The following PRSS12 variants were observed in gnomAD, a reference collection of about 807,000 sequenced individuals.
PRSS12 encodes serine protease 12, also known as neurotrypsin.
A neutral mutation model predicts 104.4 loss-of-function variants in PRSS12; 85 were observed. That is an observed-to-expected ratio of 0.81 (90% confidence interval 0.68 to 0.98). PRSS12 has a LOEUF of 0.98. Among genes scored for constraint, PRSS12 ranks in the 50% least tolerant of loss-of-function variants. The pLI is 0.00. For synonymous variants in PRSS12, 454 were observed against 425.2 expected (o/e 1.07, Z -0.83); for missense variants, 1,141 against 1,139.2 (o/e 1.00, Z -0.02).
At chr4:118,336,883 C>A (rs953275817) in intron 2 of PRSS12, among the ~76,000 whole-genome samples, 2 of 152,158 alleles carry the variant, frequency 1.3e-5, no homozygotes, top group Non-Finnish European at 2.9e-5. Flanking sequence ...TTGTGACCTG[C>A]CCACTTGCCA....
intron 2 of PRSS12, 37 bp from the exon 3 acceptor site, chr4:118,335,688 G>C: frequency 6.3e-7 from 1 of 1,591,332 alleles, no homozygotes; most frequent in East Asian, 2.2e-5. Context: ...TTTATCAAAT[G>C]TAGGCAAAAC....
In PRSS12 at chr4:118,331,653, C is replaced by T. The variant is rs577854860; in HGVS notation, c.971+63G>A. On this transcript the variant is annotated intron_variant, in intron 4 of 12. Transcript: ENST00000296498. ...GTGCAATTTAAACAAACAGCACCTG[C>T]CTTTGGGTATGGAAATAATAAGATT... 219 of 1,603,564 alleles carry T rather than the reference C, an allele frequency of 1.4e-4. No individual in the cohort carries two copies. In the East Asian group the frequency reaches 4.7e-3, roughly 34 times the overall value.
At chr4:118,336,927 A>G (rs1206421217) in intron 2 of PRSS12, among the ~76,000 whole-genome samples, 1 of 152,220 alleles carries the variant, frequency 6.6e-6, no homozygotes, top group Admixed American at 6.5e-5. Flanking sequence ...ATTCATGATA[A>G]AATCAGTAAT....
In PRSS12 at chr4:118,335,462, C is replaced by CT. The variant is rs3215324; in HGVS notation, c.820+10dup. 240,678 of 1,611,396 alleles carry CT rather than the reference C, an allele frequency of 0.15. 19,092 individuals carry two copies. The highest frequency in any genetic ancestry group is 0.2 in the South Asian group (18,198 of 90,816). On this transcript the variant is annotated intron_variant, in intron 3 of 12. Transcript: ENST00000296498. The stretch of plus-strand genomic sequence containing the variant: ...GAAAGTAAAACAACAGAACTTTTTT[C>CT]TTTTTTTTACCATGGGAAAAGCTAC...
intron 1 of PRSS12, among the ~76,000 whole-genome samples, chr4:118,342,041 C>T (rs1724226021): frequency 6.6e-6 from 1 of 152,144 alleles, no homozygotes; most frequent in South Asian, 2.1e-4. Flanking sequence ...AGAGAAGTGG[C>T]TTTCTGGTGC....
At chr4:118,340,492 G>A (rs1269535967) in intron 1 of PRSS12, among the ~76,000 whole-genome samples, 2 of 152,084 alleles carry the variant, frequency 1.3e-5, no homozygotes. Flanking sequence ...TGTCTATTCG[G>A]AGGAAACCAT....
chr4:118,315,701 G>C (rs1281506133), intron 6 of PRSS12, among the ~76,000 whole-genome samples: 1 of 152,138 alleles, frequency 6.6e-6, no homozygotes, highest in East Asian at 1.9e-4. Flanking sequence ...GAGGTCAAAA[G>C]CAAGTTCTAA....
At chr4:118,318,604 T>G (rs560182942) in intron 4 of PRSS12, 48 bp from the exon 5 acceptor site, 1 of 1,573,160 alleles carries the variant, frequency 6.4e-7, no homozygotes, top group East Asian at 2.3e-5. Flanking sequence ...TACCAAAGAT[T>G]GGTCTTTTAT....
chr4:118,352,298 G>C lies in PRSS12; in HGVS notation c.423C>G (p.Pro141=), dbSNP rs1312754638. The C allele has an allele frequency of 1.2e-6, 2 of 1,603,280 alleles. No homozygotes were observed. The highest frequency in any genetic ancestry group is 1.7e-6 in the Non-Finnish European group (2 of 1,176,952). The change falls in exon 1 of 13, where the codon CCC becomes CCG. Residue 141 remains proline, a synonymous_variant. Coordinates refer to ENST00000296498, the MANE Select transcript of PRSS12 (RefSeq NM_003619.4). ...AACACCAGGGTCTGCCCGCGCCGTCGGGGCTCCGACAAAAGTTGTGGCGCT... is the reference window on the plus strand; with the variant it reads ...AACACCAGGGTCTGCCCGCGCCGTCCGGGCTCCGACAAAAGTTGTGGCGCT... ...RGQRHNFCRS[P]DGAGRPWCFY... is the part of the protein sequence containing the mutation.
chr4:118,348,228 A>C (rs1440098021), intron 1 of PRSS12, among the ~76,000 whole-genome samples: 2 of 152,228 alleles, frequency 1.3e-5, no homozygotes, highest in African/African-American at 4.8e-5. Context: ...AAATAACCAT[A>C]TTCCAGTGAA....
At chr4:118,333,146 A>G (rs1723971016) in intron 3 of PRSS12, among the ~76,000 whole-genome samples, 1 of 152,214 alleles carries the variant, frequency 6.6e-6, no homozygotes. Flanking sequence ...CATTATGAAC[A>G]AAAGAAAGAA....
At chr4:118,285,261 C>T (rs940646846) in intron 11 of PRSS12, among the ~76,000 whole-genome samples, 2 of 152,024 alleles carry the variant, frequency 1.3e-5, no homozygotes, top group African/African-American at 4.8e-5. Flanking sequence ...CTTATAGCTT[C>T]CTTGAAAATT....
chr4:118,348,025 T>A (rs1311845449), intron 1 of PRSS12, among the ~76,000 whole-genome samples: 2 of 151,794 alleles, frequency 1.3e-5, no homozygotes, highest in East Asian at 3.9e-4. Flanking sequence ...AGCCCAGGAG[T>A]TGGAGACCAG....
chr4:118,305,330 G>C (rs529913413), intron 8 of PRSS12, among the ~76,000 whole-genome samples: 3 of 151,960 alleles, frequency 2.0e-5, no homozygotes, highest in Admixed American at 6.5e-5. Flanking sequence ...TGAATTACTT[G>C]TAAGACTATT....
intron 9 of PRSS12, 41 bp from the exon 10 acceptor site, chr4:118,295,897 T>C (rs772490898): frequency 6.5e-7 from 1 of 1,544,278 alleles, no homozygotes; most frequent in Non-Finnish European, 9.0e-7. Context: ...ATCACATTGC[T>C]GACAGAGGGG....
chr4:118,282,946 T>C lies in PRSS12; in HGVS notation c.2205A>G (p.Pro735=). Residue 735 remains proline, a synonymous_variant, in exon 12 of 13, where the codon CCA becomes CCG. Coordinates refer to ENST00000296498, the MANE Select transcript of PRSS12 (RefSeq NM_003619.4). ...TGCTGAATCTGGCACATTGCTCTTC[T>C]GGTCCTTGTAATCTAACCAGGGCTA... ...YDIALVRLQG[P]EEQCARFSSH... is the part of the protein sequence containing the mutation. The C allele has an allele frequency of 6.2e-7, 1 of 1,614,208 alleles. No individual in the cohort carries two copies. Among genetic ancestry groups the C allele is most frequent in the Non-Finnish European group, 8.5e-7 (1 of 1,180,036 alleles).
At chr4:118,345,416 G>C (rs561758835) in intron 1 of PRSS12, among the ~76,000 whole-genome samples, 1 of 152,174 alleles carries the variant, frequency 6.6e-6, no homozygotes, top group African/African-American at 2.4e-5. Context: ...AGTTTCTAAT[G>C]ACAACAGACC....
At chr4:118,295,110 C>T (rs748357638) in intron 10 of PRSS12, 49 bp from the exon 11 acceptor site, 1 of 1,597,606 alleles carries the variant, frequency 6.3e-7, no homozygotes, top group Admixed American at 1.7e-5. Flanking sequence ...GGCAAAAAAG[C>T]AAAGGAAAGC....
chr4:118,308,722 C>T, intron 7 of PRSS12, 145 bp from the exon 8 acceptor site: 1 of 1,166,614 alleles, frequency 8.6e-7, no homozygotes, highest in South Asian at 1.4e-5. Context: ...GGAGATATAT[C>T]AATAAAAATT....
Sources: allele counts gnomAD v4.1 joint callset (sites outside exome capture counted in the v4.1 genomes callset), GRCh38; gene constraint gnomAD v4.1.1; transcripts MANE v1.5; gene names NCBI Gene and HGNC (gene_info 2026-07-23, HGNC 2026-07-21).